Variants in TNFRSF10B observed in about 807,000 individuals in gnomAD.
TNFRSF10B encodes the protein TNF receptor superfamily member 10b.
Under a neutral mutation model 41.4 loss-of-function variants are expected in TNFRSF10B, and 35 were observed. The ratio of observed to expected loss-of-function variants is 0.85; its 90% confidence interval spans 0.65 to 1.12. The LOEUF (loss-of-function observed/expected upper bound fraction) is 1.12, where lower values mean the gene tolerates loss of function less well. TNFRSF10B is among the 50% of genes most tolerant of loss of function. The pLI is 0.00. For missense variants in TNFRSF10B, 584 were observed against 552.7 expected (o/e 1.06, Z -0.57); for synonymous variants, 230 against 215.5 (o/e 1.07, Z -0.59).
intron 2 of TNFRSF10B, among the ~76,000 whole-genome samples, chr8:23,042,105 A>G (rs570278731): frequency 6.6e-6 from 1 of 152,224 alleles, no homozygotes; most frequent in East Asian, 1.9e-4. Context: ...TCCACACCCC[A>G]AATATGTCTT....
intron 1 of TNFRSF10B, among the ~76,000 whole-genome samples, chr8:23,063,725 G>A (rs1812901668): frequency 1.3e-5 from 2 of 152,160 alleles, no homozygotes; most frequent in Non-Finnish European, 1.5e-5. Flanking sequence ...ATGCTGTCCA[G>A]GCCACACCTG....
intron 1 of TNFRSF10B, among the ~76,000 whole-genome samples, chr8:23,067,865 C>G (rs565000192): frequency 6.6e-6 from 1 of 152,332 alleles, no homozygotes; most frequent in South Asian, 2.1e-4. Context: ...ACACACTTCC[C>G]CACTCTGAGC....
rs181232078 is a variant in TNFRSF10B, at chr8:23,029,595, C to T, written c.476+15G>A. 537 of 1,599,548 alleles carry T rather than the reference C, an allele frequency of 3.4e-4. 4 individuals carry two copies. The African/African-American group carries it at 5.2e-3, about 15-fold the overall frequency. ...GTTCCATGGAGCTACTGGGAGCCCC[C>T]GGCTCCTGTCTCACCCTGTGCGGCA... is the stretch of plus-strand genomic sequence containing the variant. On this transcript the variant is annotated intron_variant, in intron 4 of 8. Transcript: ENST00000276431.
chr8:23,062,375 C>T (rs1055336461), intron 1 of TNFRSF10B, among the ~76,000 whole-genome samples: 2 of 152,052 alleles, frequency 1.3e-5, no homozygotes, highest in Non-Finnish European at 1.5e-5. Context: ...TGTGCTCCCC[C>T]GGGCCAGGCT....
intron 1 of TNFRSF10B, among the ~76,000 whole-genome samples, chr8:23,046,356 A>T (rs971269457): frequency 2.0e-5 from 3 of 152,142 alleles, no homozygotes; most frequent in African/African-American, 7.2e-5. Flanking sequence ...ACAAAAAAAA[A>T]TTAGTAAATT....
At chr8:23,045,297 T>G (rs1467948838) in intron 1 of TNFRSF10B, among the ~76,000 whole-genome samples, 1 of 151,726 alleles carries the variant, frequency 6.6e-6, no homozygotes, top group South Asian at 2.1e-4. Flanking sequence ...TATGAAAATA[T>G]TATGAACAAT....
intron 3 of TNFRSF10B, 22 bp downstream of exon 3, chr8:23,030,737 A>T (rs372028179): frequency 8.0e-5 from 127 of 1,583,346 alleles, no homozygotes; most frequent in Non-Finnish European, 1.0e-4. Context: ...ACCTTTAGGC[A>T]TGGGGTCCAT....
intron 3 of TNFRSF10B, among the ~76,000 whole-genome samples, chr8:23,030,412 A>C (rs1223286974): frequency 1.3e-5 from 2 of 152,152 alleles, no homozygotes; most frequent in Non-Finnish European, 2.9e-5. Flanking sequence ...TCCTGGGCTC[A>C]AGAGATCCTT....
At chr8:23,033,116 T>C (rs992355520) in intron 2 of TNFRSF10B, among the ~76,000 whole-genome samples, 4 of 152,170 alleles carry the variant, frequency 2.6e-5, no homozygotes, top group African/African-American at 4.8e-5. Flanking sequence ...AACCAAGAAT[T>C]TGATATCCAG....
chr8:23,062,513 C>T (rs1812861104), intron 1 of TNFRSF10B, among the ~76,000 whole-genome samples: 5 of 152,228 alleles, frequency 3.3e-5, no homozygotes, highest in Middle Eastern at 3.4e-3. Flanking sequence ...CCATCACATC[C>T]GGCCTCTACT....
chr8:23,035,194 T>G (rs976062431), intron 2 of TNFRSF10B, among the ~76,000 whole-genome samples: 1 of 151,912 alleles, frequency 6.6e-6, no homozygotes, highest in Non-Finnish European at 1.5e-5. Flanking sequence ...CAGGCTGGAG[T>G]GCAGTGGCAT....
intron 1 of TNFRSF10B, among the ~76,000 whole-genome samples, chr8:23,055,317 A>G (rs942320912): frequency 3.9e-5 from 6 of 151,990 alleles, no homozygotes; most frequent in Non-Finnish European, 8.8e-5. Flanking sequence ...CCCCATAACA[A>G]TGACCCTCTC....
In TNFRSF10B at chr8:23,039,468, C is replaced by CT. The variant is rs574406424; in HGVS notation, c.250+3669dup. Among the ~76,000 whole-genome samples the CT allele has an allele frequency of 2.2e-3, 329 of 152,230 alleles. 4 individuals are homozygous for CT. Among genetic ancestry groups the CT allele is most frequent in the African/African-American group, 7.3e-3 (304 of 41,550 alleles). On this transcript the variant is annotated intron_variant, in intron 2 of 8. Transcript: ENST00000276431. ...ACCCTCTTTCTTGGTGGAGGTCAGT[C>CT]TTTTTTCTATTGAGGCTTTCAACTG...
chr8:23,035,700 T>C (rs988378790), intron 2 of TNFRSF10B, among the ~76,000 whole-genome samples: 3 of 152,158 alleles, frequency 2.0e-5, no homozygotes, highest in African/African-American at 7.2e-5. Context: ...TTCCTTCTCT[T>C]CTAAGATATT....
At chr8:23,028,801 C>T (rs759707631) in intron 4 of TNFRSF10B, among the ~76,000 whole-genome samples, 199 bp from the exon 5 acceptor site, 8 of 152,186 alleles carry the variant, frequency 5.3e-5, no homozygotes, top group African/African-American at 1.4e-4. Flanking sequence ...TTCAGCCCCT[C>T]GGCCTCCCTG....
intron 2 of TNFRSF10B, among the ~76,000 whole-genome samples, chr8:23,040,160 G>A (rs921711595): frequency 1.3e-5 from 2 of 149,000 alleles, no homozygotes; most frequent in African/African-American, 2.5e-5. Context: ...CAGCCTGGGT[G>A]ACAGAGCAGA....
intron 1 of TNFRSF10B, among the ~76,000 whole-genome samples, chr8:23,062,322 G>C (rs1397064841): frequency 6.6e-6 from 1 of 152,148 alleles, no homozygotes; most frequent in Non-Finnish European, 1.5e-5. Context: ...CGGGGCTCAA[G>C]TGATCCTCCC....
intron 2 of TNFRSF10B, among the ~76,000 whole-genome samples, chr8:23,031,375 C>CTATTTATTTATT (rs61141147): frequency 0.02 from 2,749 of 140,548 alleles, 38 homozygotes; most frequent in South Asian, 0.029. Context: ...TGCACCCGGC[C>CTATTTATTTATT]TATTTATTTA....
chr8:23,066,589 A>G (rs545410270), intron 1 of TNFRSF10B, among the ~76,000 whole-genome samples: 3 of 152,318 alleles, frequency 2.0e-5, no homozygotes, highest in Non-Finnish European at 4.4e-5. Context: ...ATTTGAAGAA[A>G]TAATGGCTGA....
Sources: allele counts gnomAD v4.1 joint callset (sites outside exome capture counted in the v4.1 genomes callset), GRCh38; gene constraint gnomAD v4.1.1; transcripts MANE v1.5; gene names NCBI Gene and HGNC (gene_info 2026-07-23, HGNC 2026-07-21).